Variants in PPP2R5C observed in about 807,000 individuals in gnomAD.
PPP2R5C encodes serine/threonine-protein phosphatase 2A 56 kDa regulatory subunit gamma isoform.
A neutral mutation model predicts 68.9 loss-of-function variants in PPP2R5C; 7 were observed. That is an observed-to-expected ratio of 0.10 (90% CI 0.06 to 0.19). The LOEUF is 0.19. Ranked by LOEUF, PPP2R5C falls within the 10% of genes least tolerant of loss-of-function variation. The pLI is 1.00. For missense variants in PPP2R5C, 348 were observed against 641.3 expected, an observed-to-expected ratio of 0.54 and a Z score of 4.94; for synonymous variants, 210 against 222.2, an observed-to-expected ratio of 0.95 and a Z score of 0.49.
chr14:101,863,969 T>A (rs950244115), intron 2 of PPP2R5C, among the ~76,000 whole-genome samples: 5 of 152,276 alleles, frequency 3.3e-5, no homozygotes, highest in African/African-American at 9.6e-5. Context: ...TGTGTTGCAG[T>A]GCTGTGTGTT....
At chr14:101,779,297 T>G (rs928038682) in intron 2 of PPP2R5C, among the ~76,000 whole-genome samples, 1 of 152,030 alleles carries the variant, frequency 6.6e-6, no homozygotes, top group African/African-American at 2.4e-5. Flanking sequence ...CTCAACAAGC[T>G]CAGAATCTCT....
intron 5 of PPP2R5C, among the ~76,000 whole-genome samples, chr14:101,886,008 G>C (rs993122152): frequency 2.6e-5 from 4 of 152,226 alleles, no homozygotes; most frequent in African/African-American, 7.2e-5. Context: ...TGGGCCGGGC[G>C]TGGTGGCTCA....
intron 3 of PPP2R5C, among the ~76,000 whole-genome samples, chr14:101,794,384 A>G (rs1412348380): frequency 6.6e-6 from 1 of 152,236 alleles, no homozygotes; most frequent in Non-Finnish European, 1.5e-5. Context: ...TTGCAGAAAG[A>G]AACAGCTGTT....
upstream of PPP2R5C, among the ~76,000 whole-genome samples, chr14:101,808,671 A>G (rs112272359): frequency 4.2e-4 from 64 of 152,174 alleles, no homozygotes; most frequent in African/African-American, 1.3e-3. Context: ...ATGTTTAGGA[A>G]CTAAAGGGCT....
intron 3 of PPP2R5C, among the ~76,000 whole-genome samples, chr14:101,804,887 G>C (rs1030022976): frequency 2.0e-5 from 3 of 152,122 alleles, no homozygotes; most frequent in Non-Finnish European, 2.9e-5. Flanking sequence ...TAACTCAAAG[G>C]ATAAACGCTT....
At chr14:101,919,868 C>G (rs2046907770) in intron 13 of PPP2R5C, among the ~76,000 whole-genome samples, 1 of 148,478 alleles carries the variant, frequency 6.7e-6, no homozygotes. Context: ...ACTTGGGAGG[C>G]TGAGGCAGGA....
At chr14:101,864,934 G>A (rs569339777) in intron 2 of PPP2R5C, among the ~76,000 whole-genome samples, 1 of 152,256 alleles carries the variant, frequency 6.6e-6, no homozygotes, top group East Asian at 1.9e-4. Flanking sequence ...CATCTGCTGC[G>A]GCATTTCAGG....
intron 1 of PPP2R5C, among the ~76,000 whole-genome samples, chr14:101,838,072 G>T (rs919699630): frequency 5.3e-5 from 8 of 152,214 alleles, no homozygotes; most frequent in Admixed American, 2.0e-4. Context: ...CAAAAGAAGT[G>T]ATTTAAACAC....
intron 2 of PPP2R5C, among the ~76,000 whole-genome samples, chr14:101,881,696 T>C (rs1677991): frequency 0.33 from 50,461 of 152,242 alleles, 12,107 homozygotes; most frequent in African/African-American, 0.68. Flanking sequence ...CAGAGGATGT[T>C]GGTGCCATTG....
chr14:101,838,794 A>G (rs1157411517), intron 1 of PPP2R5C, among the ~76,000 whole-genome samples: 1 of 152,244 alleles, frequency 6.6e-6, no homozygotes, highest in African/African-American at 2.4e-5. Context: ...CTGTAATCCC[A>G]GCACTCTGGG....
intron 13 of PPP2R5C, 64 bp from the exon 16 acceptor site, chr14:101,925,075 TCA>T: frequency 6.3e-7 from 1 of 1,578,724 alleles, no homozygotes; most frequent in Non-Finnish European, 8.7e-7. Context: ...GACTTCCACC[TCA>T]GAAGTAAGCT....
intron 8 of PPP2R5C, among the ~76,000 whole-genome samples, 187 bp downstream of exon 10, chr14:101,894,747 C>T (rs182119447): frequency 6.6e-6 from 1 of 152,194 alleles, no homozygotes; most frequent in Non-Finnish European, 1.5e-5. Context: ...ATTGCAGATT[C>T]CTTTATTATA....
chr14:101,863,564 C>G (rs1023474287), intron 2 of PPP2R5C, among the ~76,000 whole-genome samples: 1 of 152,186 alleles, frequency 6.6e-6, no homozygotes, highest in African/African-American at 2.4e-5. Context: ...CAGTGCCACT[C>G]AAAGGCTGCA....
At chr14:101,802,333 A>G (rs2038898204) in intron 3 of PPP2R5C, among the ~76,000 whole-genome samples, 1 of 151,954 alleles carries the variant, frequency 6.6e-6, no homozygotes. Context: ...AATCGCTTGA[A>G]CCCAGGAGGC....
chr14:101,823,937 C>T, intron 1 of PPP2R5C: 4 of 1,282,924 alleles, frequency 3.1e-6, no homozygotes, highest in African/African-American at 1.5e-5. Flanking sequence ...TTCTGGGTCA[C>T]GAAGGTAAGG....
chr14:101,900,852 G>C (rs1483631368), intron 8 of PPP2R5C, among the ~76,000 whole-genome samples: 1 of 152,238 alleles, frequency 6.6e-6, no homozygotes, highest in Non-Finnish European at 1.5e-5. Flanking sequence ...CCCTCTGGGT[G>C]GTGACAATCC....
chr14:101,847,663 CTTTTTTTTTTT>C (rs3043777), intron 1 of PPP2R5C, among the ~76,000 whole-genome samples: 2 of 128,306 alleles, frequency 1.6e-5, no homozygotes, highest in African/African-American at 5.9e-5. Flanking sequence ...TGGGGCTGCT[CTTTTTTTTTTT>C]TTTTTTTTCC....
At chr14:101,844,210 A>C (rs2041680099) in intron 1 of PPP2R5C, 1 of 149,104 alleles carries the variant, frequency 6.7e-6, no homozygotes, top group African/African-American at 2.5e-5. Flanking sequence ...GGTTAATACC[A>C]ATACCAGGTA....
At chr14:101,836,589 A>G (rs1469602780) in intron 1 of PPP2R5C, 8 of 521,304 alleles carry the variant, frequency 1.5e-5, no homozygotes, top group African/African-American at 5.7e-5. Context: ...GGGGTGTTGC[A>G]TGCATTTTTC....
Sources: allele counts gnomAD v4.1 joint callset (sites outside exome capture counted in the v4.1 genomes callset), GRCh38; gene constraint gnomAD v4.1.1; transcripts MANE v1.5; gene names NCBI Gene and HGNC (gene_info 2026-07-23, HGNC 2026-07-21).